The following ABHD12 variants were observed in gnomAD, a reference collection of about 807,000 sequenced individuals.
ABHD12 encodes the protein lysophosphatidylserine lipase ABHD12.
A neutral mutation model predicts 58.3 loss-of-function variants in ABHD12; 43 were observed. The ratio of observed to expected loss-of-function variants is 0.74; its 90% CI spans 0.58 to 0.95. The LOEUF is 0.95. Among genes scored for constraint, ABHD12 ranks in the 40% least tolerant of loss-of-function variants. The pLI is 0.00. For missense variants in ABHD12, 539 were observed against 537.2 expected, an observed-to-expected ratio of 1.00 and a Z score of -0.03; for synonymous variants, 219 against 211.2, an observed-to-expected ratio of 1.04 and a Z score of -0.32.
intron 1 of ABHD12, among the ~76,000 whole-genome samples, chr20:25,381,626 CTTTT>C: frequency 7.0e-6 from 1 of 142,066 alleles, no homozygotes. Context: ...TCAGTACCCT[CTTTT>C]TTTTTTTTTT....
intron 1 of ABHD12, among the ~76,000 whole-genome samples, chr20:25,352,320 G>A (rs1225467520): frequency 5.5e-5 from 8 of 145,394 alleles, no homozygotes; most frequent in Middle Eastern, 4.1e-3. Flanking sequence ...ACGGAGTCTC[G>A]CTCTGTTGCC....
At chr20:25,307,917 A>T (rs1227955241) in intron 9 of ABHD12, 49 bp downstream of exon 9, 2 of 962,574 alleles carry the variant, frequency 2.1e-6, no homozygotes, top group East Asian at 5.2e-5. Flanking sequence ...TTATTTCTAT[A>T]ATTTATCTTA....
intron 1 of ABHD12, among the ~76,000 whole-genome samples, chr20:25,346,518 G>A (rs1275393948): frequency 6.6e-6 from 1 of 152,206 alleles, no homozygotes; most frequent in African/African-American, 2.4e-5. Context: ...TAGCAAATAT[G>A]CCATTGCAGT....
chr20:25,387,851 G>C (rs993630512), intron 1 of ABHD12, among the ~76,000 whole-genome samples: 1 of 151,944 alleles, frequency 6.6e-6, no homozygotes, highest in Non-Finnish European at 1.5e-5. Flanking sequence ...GACCAGCCTG[G>C]CCAACATGGT....
intron 1 of ABHD12, among the ~76,000 whole-genome samples, chr20:25,349,951 T>C (rs2089576134): frequency 6.6e-6 from 1 of 152,214 alleles, no homozygotes; most frequent in Non-Finnish European, 1.5e-5. Flanking sequence ...GGGAACATAA[T>C]GAAAGGCTAA....
chr20:25,358,350 T>C (rs2089696237), intron 1 of ABHD12, among the ~76,000 whole-genome samples: 1 of 152,216 alleles, frequency 6.6e-6, no homozygotes, highest in African/African-American at 2.4e-5. Flanking sequence ...ATAGGATCTT[T>C]ACTGGCAAAG....
At chr20:25,354,218 G>A (rs1464268438) in intron 1 of ABHD12, among the ~76,000 whole-genome samples, 1 of 152,184 alleles carries the variant, frequency 6.6e-6, no homozygotes, top group Non-Finnish European at 1.5e-5. Flanking sequence ...TGGCAGTAAA[G>A]CAAAAACCAA....
chr20:25,323,200 G>C (rs1387864409), intron 3 of ABHD12, 125 bp downstream of exon 3: 1 of 744,600 alleles, frequency 1.3e-6, no homozygotes, highest in African/African-American at 1.7e-5. Context: ...CTTTCCTTTA[G>C]GAAAGGAAGA....
At chr20:25,337,596 G>C (rs2089393586) in intron 2 of ABHD12, among the ~76,000 whole-genome samples, 1 of 152,338 alleles carries the variant, frequency 6.6e-6, no homozygotes, top group South Asian at 2.1e-4. Context: ...GGCCACGCAG[G>C]GCAATGCACC....
In ABHD12 at chr20:25,301,968, C is replaced by A. The variant is rs542875921; in HGVS notation, c.1157+251G>T. On this transcript the variant is annotated intron_variant, in intron 12 of 12. Transcript: ENST00000339157. ...GGCCACCTGTGAGCGTGTGTGCCCC[C>A]CCGTGTGGGTCTGTACATCCTTTAC... 2.6e-5 allele frequency among the ~76,000 whole-genome samples: 4 copies of A among 152,340 alleles called. No homozygotes were observed. The East Asian group carries it at 5.8e-4, about 22-fold the overall frequency.
chr20:25,371,537 A>AT (rs2089899986), intron 1 of ABHD12, among the ~76,000 whole-genome samples: 1 of 152,126 alleles, frequency 6.6e-6, no homozygotes, highest in South Asian at 2.1e-4. Flanking sequence ...TGGTTCCTAG[A>AT]TTTTTGTTTC....
rs187786574 is a variant in ABHD12, at chr20:25,382,938, G to A, written c.191+7575C>T. Among the ~76,000 whole-genome samples the A allele has an allele frequency of 1.4e-3, 212 of 148,772 alleles. 1 individual carries two copies. Among genetic ancestry groups the A allele is most frequent in the African/African-American group, 5.0e-3 (194 of 38,596 alleles). The stretch of plus-strand genomic sequence containing the variant: ...AGGAAGAGGAAAACCAGTACCAGTT[G>A]AGGGGGGGGGCCAGCTATGGCGCCA... On this transcript the variant is annotated intron_variant, in intron 1 of 12. Transcript: ENST00000339157.
chr20:25,359,026 TAC>T (rs554252195), intron 1 of ABHD12, among the ~76,000 whole-genome samples: 68 of 151,416 alleles, frequency 4.5e-4, no homozygotes, highest in Admixed American at 1.9e-3. Context: ...TTTTAGCATA[TAC>T]GAGATGACAA....
chr20:25,313,133 C>T (rs2088893521), intron 6 of ABHD12, among the ~76,000 whole-genome samples: 3 of 152,312 alleles, frequency 2.0e-5, no homozygotes, highest in South Asian at 4.1e-4. Flanking sequence ...GCGGTTTTGT[C>T]GAATAGAAAA....
At chr20:25,351,119 C>A (rs74793557) in intron 1 of ABHD12, among the ~76,000 whole-genome samples, 5,223 of 152,178 alleles carry the variant, frequency 0.034, 264 homozygotes, top group African/African-American at 0.12. Flanking sequence ...TGTCTATTGT[C>A]ATTTAATTCA....
intron 1 of ABHD12, among the ~76,000 whole-genome samples, chr20:25,350,184 G>A (rs1170494597): frequency 6.6e-6 from 1 of 152,146 alleles, no homozygotes; most frequent in African/African-American, 2.4e-5. Context: ...TAAAATACTA[G>A]ACAGAGATAG....
At chr20:25,326,794 T>A (rs936693597) in intron 2 of ABHD12, among the ~76,000 whole-genome samples, 2 of 152,188 alleles carry the variant, frequency 1.3e-5, no homozygotes, top group African/African-American at 4.8e-5. Context: ...GTTCTTGTAT[T>A]TTTCCTGCAG....
At chr20:25,374,601 C>A (rs1321409595) in intron 1 of ABHD12, among the ~76,000 whole-genome samples, 1 of 152,156 alleles carries the variant, frequency 6.6e-6, no homozygotes, top group African/African-American at 2.4e-5. Flanking sequence ...TCAAGTGATT[C>A]TCCTGCCTCA....
chr20:25,327,028 C>T (rs2089187936), intron 2 of ABHD12, among the ~76,000 whole-genome samples: 1 of 152,160 alleles, frequency 6.6e-6, no homozygotes, highest in Admixed American at 6.5e-5. Context: ...GTGAGTATGC[C>T]CAGAATGTTG....
Sources: gnomAD v4.1 joint callset for allele counts (sites outside exome capture counted in the v4.1 genomes callset) on GRCh38, gnomAD v4.1.1 for gene constraint, MANE v1.5 for transcripts, NCBI Gene and HGNC (gene_info 2026-07-23, HGNC 2026-07-21) for gene names.